Variants in RNASEL observed in about 807,000 individuals in gnomAD.
RNASEL encodes 2-5A-dependent ribonuclease.
Under a neutral mutation model 50.9 loss-of-function variants are expected in RNASEL, and 36 were observed. The observed-to-expected ratio is 0.71, with a 90% CI of 0.54 to 0.93. The LOEUF (loss-of-function observed/expected upper bound fraction) is 0.93. Among genes scored for constraint, RNASEL ranks in the 40% least tolerant of loss-of-function variants. The probability of loss-of-function intolerance (pLI) is 0.00; values close to 1 mark genes in which losing one functional copy is unlikely to be tolerated. For missense variants in RNASEL, 860 were observed against 894.5 expected, an observed-to-expected ratio of 0.96 and a Z score of 0.49; for synonymous variants, 335 against 335.6, an observed-to-expected ratio of 1.00 and a Z score of 0.02.
In RNASEL at chr1:182,575,436, C is replaced by T. The variant is rs200367748; in HGVS notation, c.2182G>A (p.Asp728Asn). ...QTHSPNKPQC[D>N]GAGGASGLAS... ...AACCCACTGGCCCCACCAGCTCCAT[C>T]ACACTGAGGCTTGTTTGGACTGTGG... The change falls in exon 7 of 7, where the codon GAT becomes AAT. Residue 728 changes from aspartate (D) to asparagine (N), a missense_variant. Coordinates refer to ENST00000367559, the MANE Select transcript of RNASEL (RefSeq NM_021133.4). 1.9e-6 allele frequency: 3 copies of T among 1,614,206 alleles called. No homozygotes were observed. The highest frequency in any genetic ancestry group is 2.5e-6 in the Non-Finnish European group (3 of 1,180,042).
Position 182,582,073 on chromosome 1 carries a change from G to A in RNASEL, c.1752C>T (p.Pro584=), listed in dbSNP as rs201690723. 3.7e-6 allele frequency: 6 copies of A among 1,614,054 alleles called. No homozygotes were observed. The highest frequency in any genetic ancestry group is 2.2e-5 in the South Asian group (2 of 91,092). ...RDCLSDLLGH[P]FFWTWESRYR... is the part of the protein sequence containing the mutation. The stretch of plus-strand genomic sequence containing the variant: ...CTTACCTCTCCCAAGTCCAAAAGAA[G>A]GGATGACCCAGCAGGTCACTCAGAC... Residue 584 remains proline (P), a synonymous_variant, in exon 4 of 7, where the codon CCC becomes CCT. Coordinates refer to ENST00000367559, the MANE Select transcript of RNASEL (RefSeq NM_021133.4).
intron 5 of RNASEL, chr1:182,579,959 G>C: frequency 6.6e-6 from 3 of 457,312 alleles, no homozygotes; most frequent in Non-Finnish European, 1.3e-5. Flanking sequence ...ACCCCTTACT[G>C]GTTCTGTGTA....
chr1:182,586,565 T>C lies in RNASEL; in HGVS notation c.242A>G (p.His81Arg). The change falls in exon 2 of 7, where the codon CAT becomes CGT. Residue 81 changes from histidine (H) to arginine (R), a missense_variant. His to Arg is a conservative substitution (Grantham distance 29, BLOSUM62 0). Coordinates refer to ENST00000367559, the MANE Select transcript of RNASEL (RefSeq NM_021133.4). Reference protein sequence around the residue: ...REDIVELLLRHGADPVLRKKN... With the variant: ...REDIVELLLRRGADPVLRKKN... Reference sequence around the variant, plus strand: ...CTTCCTCAGAACAGGGTCAGCACCATGACGAAGCAGAAGTTCCACAATGTC... The same window carrying C: ...CTTCCTCAGAACAGGGTCAGCACCACGACGAAGCAGAAGTTCCACAATGTC... 1 of 1,605,256 alleles carries C rather than the reference T, an allele frequency of 6.2e-7. No homozygotes were observed.
chr1:182,581,955 A>C (rs1661504595), intron 4 of RNASEL, 98 bp downstream of exon 4: 2 of 1,041,600 alleles, frequency 1.9e-6, no homozygotes, highest in Admixed American at 3.4e-5. Context: ...GCTAAGAAAA[A>C]AGCCTGGGTC....
chr1:182,588,882 T>C (rs1424282769), intron 1 of RNASEL, among the ~76,000 whole-genome samples: 1 of 152,196 alleles, frequency 6.6e-6, no homozygotes, highest in Non-Finnish European at 1.5e-5. Context: ...CCTGCGGAAG[T>C]ACTCCAACAG....
rs774235889 is a variant in RNASEL, at chr1:182,581,218, T to A, written c.1905+7A>T. 3 of 1,614,160 alleles carry A rather than the reference T, an allele frequency of 1.9e-6. No individual in the cohort carries two copies. The highest frequency in any genetic ancestry group is 1.1e-5 in the South Asian group (1 of 91,084). Reference sequence around the variant, plus strand: ...ACTAACCCCTGCACTATAGGAATTGTTCATACCTTAGTCGTCCACTTGTCA... The same window carrying A: ...ACTAACCCCTGCACTATAGGAATTGATCATACCTTAGTCGTCCACTTGTCA... On this transcript the variant is annotated splice_region_variant and intron_variant, in intron 5 of 6. Coordinates refer to ENST00000367559, the MANE Select transcript of RNASEL (RefSeq NM_021133.4).
At chr1:182,588,736 T>G (rs1219324726) in intron 1 of RNASEL, among the ~76,000 whole-genome samples, 4 of 152,184 alleles carry the variant, frequency 2.6e-5, no homozygotes, top group African/African-American at 9.7e-5. Flanking sequence ...CAATGAAATC[T>G]TTGAACCAAA....
chr1:182,577,056 T>G (rs1400277545), intron 5 of RNASEL: 1 of 149,708 alleles, frequency 6.7e-6, no homozygotes, highest in Non-Finnish European at 1.5e-5. Context: ...TTTTTTTTTT[T>G]GTATTTTTAG....
At position 182,575,277 on chromosome 1, in the gene RNASEL, C is replaced by T. The variant is rs975254702; in HGVS notation, c.*115G>A. On this transcript the variant is annotated 3_prime_UTR_variant, in exon 7 of 7. Transcript: ENST00000367559. ...ACGATGCCAGGGACTGACATATCAG[C>T]TATGCAACTCATCCCTCACAAGCAA... is the stretch of plus-strand genomic sequence containing the variant. 3.1e-6 allele frequency: 3 copies of T among 962,564 alleles called. No homozygotes were observed. The highest frequency in any genetic ancestry group is 5.1e-6 in the Non-Finnish European group (3 of 590,804). The allele number at this position is 962,564 out of a possible 1,614,324, so 59.6% of individuals were successfully genotyped here.
Position 182,585,819 on chromosome 1 carries a change from G to GA in RNASEL, c.987dup (p.His330SerfsTer5). ...GGCTTCCAGTCTTCAGCAGGAGGGT[G>GA]AAAATCTTCTTTGGCTCCATGAGAG... On this transcript the variant is annotated frameshift_variant, in exon 2 of 7. Transcript: ENST00000367559. LOFTEE classifies it high-confidence loss of function. 5.6e-6 allele frequency: 9 copies of GA among 1,613,962 alleles called. No individual in the cohort carries two copies. Among genetic ancestry groups the GA allele is most frequent in the Non-Finnish European group, 7.6e-6 (9 of 1,179,968 alleles).
rs1048360805 is a variant in RNASEL, at chr1:182,586,473, G to T, written c.334C>A (p.Leu112Ile). 1 of 1,613,464 alleles carries T rather than the reference G, an allele frequency of 6.2e-7. No homozygotes were observed. The highest frequency in any genetic ancestry group is 1.3e-5 in the African/African-American group (1 of 75,014). ...AGSVKLLKLF[L>I]SKGADVNECD... ...TCATTGACATCTGCTCCTTTAGAAA[G>T]GAAAAGTTTCAGCAGCTTCACGCTC... Residue 112 changes from leucine (L) to isoleucine (I), a missense_variant, in exon 2 of 7, where the codon CTT becomes ATT. Transcript: ENST00000367559.
At position 182,581,321 on chromosome 1, in the gene RNASEL, G is replaced by A. The variant is rs183141948; in HGVS notation, c.1809C>T (p.Ser603=). ...YRTLRNVGNE[S]DIKTRKSESE... ...TTTCAGATTTTCGTGTTTTGATGTC[G>A]GATTCATTTCCCACATTCCGAAGCG... is the stretch of plus-strand genomic sequence containing the variant. The change falls in exon 5 of 7, where the codon TCC becomes TCT. Residue 603 remains serine, a synonymous_variant. Coordinates refer to ENST00000367559, the MANE Select transcript of RNASEL (RefSeq NM_021133.4). The A allele has an allele frequency of 4.3e-5, 69 of 1,613,878 alleles. No homozygotes were observed. The highest frequency in any genetic ancestry group is 1.7e-4 in the Admixed American group (10 of 59,982).
rs920057178 is a variant in RNASEL, at chr1:182,574,144, A to T, written c.*1248T>A. On this transcript the variant is annotated 3_prime_UTR_variant, in exon 7 of 7. Transcript: ENST00000367559. ...AAGCACCAGAAAAACGTAAGACAGT[A>T]TTATTATTCATGTACGAAGATGGTT... is the stretch of plus-strand genomic sequence containing the variant. 5.5e-5 allele frequency: 12 copies of T among 219,968 alleles called. No individual in the cohort carries two copies. The highest frequency in any genetic ancestry group is 2.7e-4 in the African/African-American group (12 of 44,668). The allele number at this position is 219,968 out of a possible 1,614,324, so 13.6% of individuals were successfully genotyped here.
intron 5 of RNASEL, 130 bp from the exon 6 acceptor site, chr1:182,576,519 A>G: frequency 1.4e-6 from 1 of 733,330 alleles, no homozygotes; most frequent in African/African-American, 1.8e-5. Flanking sequence ...ACTAATTAAT[A>G]AAGCAAAATA....
In RNASEL at chr1:182,576,397, AAC is replaced by A; in HGVS notation, c.1906-10_1906-9del. ...CATAACACATTCATTAATCTAAAAAAACAAAAAATAACACAAAAATGTGGTAG... is the reference window on the plus strand; with the variant it reads ...CATAACACATTCATTAATCTAAAAAAAAAAAATAACACAAAAATGTGGTAG... On this transcript the variant is annotated splice_polypyrimidine_tract_variant and intron_variant, in intron 5 of 6. Coordinates refer to ENST00000367559, the MANE Select transcript of RNASEL (RefSeq NM_021133.4). 1 of 1,545,016 alleles carries A rather than the reference AAC, an allele frequency of 6.5e-7. No individual in the cohort carries two copies. Among genetic ancestry groups the A allele is most frequent in the South Asian group, 1.1e-5 (1 of 87,446 alleles).
At chr1:182,584,605 T>C (rs1177021647) in intron 2 of RNASEL, among the ~76,000 whole-genome samples, 2 of 152,194 alleles carry the variant, frequency 1.3e-5, no homozygotes, top group Non-Finnish European at 2.9e-5. Flanking sequence ...CCAAATGACT[T>C]ACTATTTCAT....
chr1:182,579,131 G>A (rs914913896), intron 5 of RNASEL: 10 of 482,130 alleles, frequency 2.1e-5, no homozygotes, highest in Non-Finnish European at 2.2e-5. Flanking sequence ...TACAATGTGC[G>A]TTATTCAGGT....
Position 182,575,479 on chromosome 1 carries a change from T to C in RNASEL, c.2139A>G (p.Arg713=). The C allele has an allele frequency of 1.9e-6, 3 of 1,614,226 alleles. No homozygotes were observed. Among genetic ancestry groups the C allele is most frequent in the Admixed American group, 1.7e-5 (1 of 60,026 alleles). The change falls in exon 7 of 7, where the codon AGA becomes AGG. Residue 713 remains arginine (R), a synonymous_variant. Coordinates refer to ENST00000367559, the MANE Select transcript of RNASEL (RefSeq NM_021133.4). ...VYTKLQNTEY[R]KHFPQTHSPN... is the part of the protein sequence containing the mutation. The stretch of plus-strand genomic sequence containing the variant: ...GACTGTGGGTTTGGGGGAAATGCTT[T>C]CTATATTCTGTGTTCTGTAGTTTTG...
rs1011639686 is a variant in RNASEL at position 182,581,473 on chromosome 1, C to CTTTTTTTTT, written c.1773-125_1773-117dup. On this transcript the variant is annotated intron_variant, in intron 4 of 6. Coordinates refer to ENST00000367559, the MANE Select transcript of RNASEL (RefSeq NM_021133.4). ...TTTTGTGCTTTCTTGGTTTTTCTTT[C>CTTTTTTTTT]TTTTTTTTTTTTTTTTTTTTTTTTT... 29 of 294,810 alleles carry CTTTTTTTTT rather than the reference C, an allele frequency of 9.8e-5. 2 individuals carry two copies. The highest frequency in any genetic ancestry group is 1.1e-4 in the Non-Finnish European group (19 of 172,596). The allele number at this position is 294,810 out of a possible 1,614,324, so 18.3% of individuals were successfully genotyped here. A position where few individuals can be genotyped will look rare whatever the true frequency, so the allele number is the denominator to read the frequency against.
Sources: gnomAD v4.1 joint callset for allele counts (sites outside exome capture counted in the v4.1 genomes callset) on GRCh38, gnomAD v4.1.1 for gene constraint, MANE v1.5 for transcripts, NCBI Gene and HGNC (gene_info 2026-07-23, HGNC 2026-07-21) for gene names.